Variants in ADCYAP1 observed in about 807,000 individuals in gnomAD.
The protein encoded by ADCYAP1 is adenylate cyclase activating polypeptide 1.
In ADCYAP1, 6 loss-of-function variants were observed where a neutral mutation model predicts 18.5. The ratio of observed to expected loss-of-function variants is 0.32; its 90% CI spans 0.18 to 0.64. The LOEUF is 0.64. Ranked by LOEUF, ADCYAP1 falls within the 30% of genes least tolerant of loss-of-function variation. The probability of loss-of-function intolerance (pLI) is 0.77; values close to 1 mark genes in which losing one functional copy is unlikely to be tolerated. For missense variants in ADCYAP1, 314 were observed against 253.6 expected, an observed-to-expected ratio of 1.24 and a Z score of -1.62; for synonymous variants, 136 against 113.9, an observed-to-expected ratio of 1.19 and a Z score of -1.24.
chr18:909,435 T>C lies in ADCYAP1; in HGVS notation c.342-11T>C. ...GCCCCGCCACCCTCTTCCCGACCCC[T>C]TTGCTTGCAGTGGGAGCCTCGGCGG... On this transcript the variant is annotated splice_polypyrimidine_tract_variant and intron_variant, in intron 4 of 4. Transcript: ENST00000450565. 1 of 1,608,570 alleles carries C rather than the reference T, an allele frequency of 6.2e-7. No homozygotes were observed. Among genetic ancestry groups the C allele is most frequent in the Non-Finnish European group, 8.5e-7 (1 of 1,177,726 alleles).
At chr18:906,463 G>T (rs1234286191) in intron 2 of ADCYAP1, 1 of 152,354 alleles carries the variant, frequency 6.6e-6, no homozygotes, top group African/African-American at 2.4e-5. Context: ...GCTGATCATT[G>T]ATTTGGACGG....
chr18:905,962 CCTTT>C (rs780760736), intron 2 of ADCYAP1: 63 of 162,484 alleles, frequency 3.9e-4, no homozygotes, highest in Non-Finnish European at 7.0e-4. Flanking sequence ...TCTCCTCCAC[CCTTT>C]CTTTTCATTT....
chr18:908,053 G>T (rs1288714690), intron 3 of ADCYAP1: 2 of 688,022 alleles, frequency 2.9e-6, no homozygotes, highest in South Asian at 2.2e-5. Context: ...CCCACACTCC[G>T]CATCTGCCAC....
chr18:905,414 G>C lies in ADCYAP1; in HGVS notation c.28G>C (p.Ala10Pro). ...GACCATGTGTAGCGGAGCGAGGCTGGCCCTGCTGGTCTATGGGATAATCAT... is the reference window on the plus strand; with the variant it reads ...GACCATGTGTAGCGGAGCGAGGCTGCCCCTGCTGGTCTATGGGATAATCAT... Reference protein sequence around the residue: MTMCSGARLALLVYGIIMHS... With the variant: MTMCSGARLPLLVYGIIMHS... Residue 10 changes from alanine to proline, a missense_variant, in exon 2 of 5, where the codon GCC (alanine) becomes CCC (proline). Ala to Pro is a conservative substitution (Grantham distance 27). Transcript: ENST00000450565. The C allele has an allele frequency of 6.2e-7, 1 of 1,612,964 alleles. No homozygotes were observed.
At chr18:908,472 C>T in intron 4 of ADCYAP1, 109 bp downstream of exon 4, 1 of 872,804 alleles carries the variant, frequency 1.1e-6, no homozygotes, top group Non-Finnish European at 1.7e-6. Context: ...GAGTCTGCGC[C>T]CCTGGGTCTG....
intron 2 of ADCYAP1, chr18:905,709 C>T (rs2143105164): frequency 1.6e-6 from 1 of 617,618 alleles, no homozygotes; most frequent in African/African-American, 1.9e-5. Context: ...CTCCCCCAGC[C>T]CTAGGCAGCT....
chr18:904,732 C>T, upstream of ADCYAP1: 7 of 1,242,348 alleles, frequency 5.6e-6, no homozygotes, highest in Non-Finnish European at 7.3e-6. Context: ...GCTTCTTCCT[C>T]CGGGTGGACT....
upstream of ADCYAP1, chr18:904,740 A>T: frequency 8.0e-7 from 1 of 1,247,392 alleles, no homozygotes; most frequent in South Asian, 1.3e-5. Flanking sequence ...CTCCGGGTGG[A>T]CTTACGGCCA....
At chr18:907,234 C>T (rs1190316468) in intron 2 of ADCYAP1, among the ~76,000 whole-genome samples, 1 of 152,240 alleles carries the variant, frequency 6.6e-6, no homozygotes, top group Non-Finnish European at 1.5e-5. Context: ...CTTTCTGGGC[C>T]TCCCCATTCG....
chr18:909,334 C>A, intron 4 of ADCYAP1, 112 bp from the exon 5 acceptor site: 1 of 1,074,102 alleles, frequency 9.3e-7, no homozygotes, highest in Non-Finnish European at 1.3e-6. Context: ...GCAGTGCGAG[C>A]CCCGGGCCCT....
Position 904,879 on chromosome 18 carries a change from A to G in ADCYAP1, c.-183A>G, listed in dbSNP as rs950679444. ...TCTACAAACTTTTGAGCAGAACACG[A>G]GCCTCGGCAAACGAGTCCCGCAGCT... On this transcript the variant is annotated 5_prime_UTR_variant, in exon 1 of 5. Transcript: ENST00000450565. 1.7e-4 allele frequency: 215 copies of G among 1,287,978 alleles called. No homozygotes were observed. Among genetic ancestry groups the G allele is most frequent in the Non-Finnish European group, 2.1e-4 (207 of 987,776 alleles). The allele number at this position is 1,287,978 out of a possible 1,614,324, so 79.8% of individuals were successfully genotyped here.
rs1464051539 is a variant in ADCYAP1 at position 905,048 on chromosome 18, G to A, written c.-14G>A. 8 of 1,300,556 alleles carry A rather than the reference G, an allele frequency of 6.2e-6. No homozygotes were observed. Among genetic ancestry groups the A allele is most frequent in the Non-Finnish European group, 8.0e-6 (8 of 997,776 alleles). 80.6% of individuals were successfully genotyped at this position (1,300,556 alleles called of 1,614,324 possible). On this transcript the variant is annotated 5_prime_UTR_variant, in exon 1 of 5. Transcript: ENST00000450565. Reference sequence around the variant, plus strand: ...TACCTGGCAGCTCTCCTGGCAGCGGGAGGAGTTGAAGGGTAAGGGAGGGAA... The same window carrying A: ...TACCTGGCAGCTCTCCTGGCAGCGGAAGGAGTTGAAGGGTAAGGGAGGGAA...
At chr18:905,297 T>C (rs2143102327) in intron 1 of ADCYAP1, 89 bp from the exon 2 acceptor site, 1 of 1,543,676 alleles carries the variant, frequency 6.5e-7, no homozygotes, top group Non-Finnish European at 8.7e-7. Context: ...GCTCCGTCCC[T>C]CCCCCGGCTT....
rs921171102 is a variant in ADCYAP1, at chr18:909,308, G to A, written c.342-138G>A. The A allele has an allele frequency of 3.3e-5, 26 of 785,068 alleles. No homozygotes were observed. The Admixed American group carries it at 6.9e-4, about 21-fold the overall frequency. 48.6% of individuals were successfully genotyped at this position (785,068 alleles called of 1,614,324 possible). A position where few individuals can be genotyped will look rare whatever the true frequency, so the allele number is the denominator to read the frequency against. ...TCCCCACGGCTGCTTCCAGGCAGAG[G>A]CGGGCGACGCGGTGGGCAGTGCGAG... On this transcript the variant is annotated intron_variant, in intron 4 of 4. Transcript: ENST00000450565.
At chr18:905,343 G>C in intron 1 of ADCYAP1, 43 bp from the exon 2 acceptor site, 1 of 1,604,962 alleles carries the variant, frequency 6.2e-7, no homozygotes, top group Non-Finnish European at 8.5e-7. Context: ...GGGAGGCCAG[G>C]GGCGTTCTCA....
chr18:904,533 G>T, upstream of ADCYAP1: 1 of 1,289,170 alleles, frequency 7.8e-7, no homozygotes, highest in Non-Finnish European at 1.0e-6. Flanking sequence ...GGTCACCTCT[G>T]TAACCAGCGG....
chr18:909,147 G>A (rs950175495), intron 4 of ADCYAP1, among the ~76,000 whole-genome samples: 1 of 152,202 alleles, frequency 6.6e-6, no homozygotes, highest in African/African-American at 2.4e-5. Flanking sequence ...GATCTCAAGG[G>A]GGCAGCGCTG....
chr18:907,993 G>A, intron 3 of ADCYAP1: 3 of 1,012,228 alleles, frequency 3.0e-6, no homozygotes, highest in Non-Finnish European at 4.1e-6. Context: ...GCCGCGTGGG[G>A]ACCGAGGGGG....
At chr18:909,411 C>T (rs943643541) in intron 4 of ADCYAP1, 35 bp from the exon 5 acceptor site, 4 of 1,588,854 alleles carry the variant, frequency 2.5e-6, no homozygotes, top group Admixed American at 3.5e-5. Context: ...GTGTCTCCCG[C>T]CCCGCCACCC....
Sources: allele counts gnomAD v4.1 joint callset (sites outside exome capture counted in the v4.1 genomes callset), GRCh38; gene constraint gnomAD v4.1.1; transcripts MANE v1.5; gene names NCBI Gene and HGNC (gene_info 2026-07-23, HGNC 2026-07-21).